Variants in DMXL1 observed in about 807,000 individuals in gnomAD.
DMXL1 encodes the protein dmX-like protein 1.
In DMXL1, 99 loss-of-function variants were observed where a neutral mutation model predicts 319.2. That is an observed-to-expected ratio of 0.31 (90% CI 0.26 to 0.37). The LOEUF is 0.37. DMXL1 is among the 10% of genes least tolerant of loss of function. The pLI, the probability that DMXL1 is intolerant of heterozygous loss-of-function variation, is 1.00. For synonymous variants in DMXL1, 1,385 were observed against 1,235.2 expected (o/e 1.12, Z -2.54); for missense variants, 3,745 against 3,595.6 (o/e 1.04, Z -1.06).
At chr5:119,171,324 CTGTTTT>C in intron 24 of DMXL1, 44 bp downstream of exon 24, 1 of 1,523,964 alleles carries the variant, frequency 6.6e-7, no homozygotes, top group Admixed American at 2.3e-5. Flanking sequence ...ATGTCTAAAA[CTGTTTT>C]TGGTGTTTCT....
intron 1 of DMXL1, chr5:119,081,553 GGTTAA>G: frequency 2.0e-6 from 2 of 985,078 alleles, no homozygotes; most frequent in Non-Finnish European, 2.4e-6. Context: ...GTTGGCTTCT[GGTTAA>G]GTTTTGTTTT....
intron 10 of DMXL1, among the ~76,000 whole-genome samples, chr5:119,132,166 C>A (rs944857114): frequency 5.3e-5 from 8 of 151,932 alleles, no homozygotes; most frequent in Middle Eastern, 3.4e-3. Flanking sequence ...GTGATATCCC[C>A]AGATCTCACT....
At chr5:119,223,127 G>A (rs565887220) in intron 37 of DMXL1, among the ~76,000 whole-genome samples, 24 of 148,486 alleles carry the variant, frequency 1.6e-4, no homozygotes, top group African/African-American at 5.7e-4. Flanking sequence ...TGCAATATTG[G>A]CTCACTGCAA....
intron 4 of DMXL1, among the ~76,000 whole-genome samples, chr5:119,107,999 C>G (rs1324454515): frequency 6.6e-6 from 1 of 152,144 alleles, no homozygotes; most frequent in Non-Finnish European, 1.5e-5. Flanking sequence ...AATTAAGCAT[C>G]TTACTTGGGA....
chr5:119,218,928 T>C (rs1209714387), intron 35 of DMXL1, among the ~76,000 whole-genome samples: 1 of 152,190 alleles, frequency 6.6e-6, no homozygotes, highest in African/African-American at 2.4e-5. Context: ...AAATTAAAAC[T>C]AACAGTTAGC....
At chr5:119,128,091 C>A in intron 9 of DMXL1, 1 of 471,936 alleles carries the variant, frequency 2.1e-6, no homozygotes, top group South Asian at 1.7e-5. Flanking sequence ...TACTATTACC[C>A]ATTGCAAGTC....
At chr5:119,239,791 A>C (rs1269212319) in intron 41 of DMXL1, among the ~76,000 whole-genome samples, 2 of 151,812 alleles carry the variant, frequency 1.3e-5, no homozygotes, top group African/African-American at 4.8e-5. Context: ...CCCTATCTCT[A>C]CTAAAAATAC....
In DMXL1 at chr5:119,167,738, G is replaced by T; in HGVS notation, c.5272G>T (p.Glu1758Ter). The T allele has an allele frequency of 6.2e-7, 1 of 1,613,660 alleles. No homozygotes were observed. Among genetic ancestry groups the T allele is most frequent in the South Asian group, 1.1e-5 (1 of 91,056 alleles). The change falls in exon 23 of 44, where the codon GAA (glutamate) becomes TAA (stop). Residue 1758 changes from glutamate to a stop codon, truncating the protein, a stop_gained. Coordinates refer to ENST00000539542, the MANE Select transcript of DMXL1 (RefSeq NM_001290321.3). LOFTEE classifies it high-confidence loss of function. ...TTTGGGAATCGATTCTCCTGTCAGTGAACTGTGTTCATTGAACATAAATAT... is the reference window on the plus strand; with the variant it reads ...TTTGGGAATCGATTCTCCTGTCAGTTAACTGTGTTCATTGAACATAAATAT... ...KVLGIDSPVS[E>*]LCSLNINMHH...
intron 41 of DMXL1, 48 bp downstream of exon 41, chr5:119,239,128 T>A (rs1788289878): frequency 3.2e-6 from 5 of 1,563,480 alleles, no homozygotes; most frequent in Non-Finnish European, 4.4e-6. Flanking sequence ...ATAGCTGAAC[T>A]TTTTTTTATT....
chr5:119,118,409 A>G (rs960945866), intron 7 of DMXL1, among the ~76,000 whole-genome samples: 1 of 152,098 alleles, frequency 6.6e-6, no homozygotes, highest in Non-Finnish European at 1.5e-5. Flanking sequence ...CAACTGAGAG[A>G]TTGTGGCTTA....
intron 9 of DMXL1, among the ~76,000 whole-genome samples, chr5:119,126,336 G>A (rs1156874911): frequency 6.6e-6 from 1 of 152,116 alleles, no homozygotes; most frequent in Non-Finnish European, 1.5e-5. Context: ...GTGCTGCATT[G>A]AATGGAACGT....
chr5:119,078,613 C>T (rs1019572463), intron 1 of DMXL1, among the ~76,000 whole-genome samples: 1 of 152,076 alleles, frequency 6.6e-6, no homozygotes, highest in Non-Finnish European at 1.5e-5. Context: ...ACACCATGCC[C>T]AGCTAATTTT....
In DMXL1 at chr5:119,169,942, A is replaced by G. The variant is rs555413748; in HGVS notation, c.5399-248A>G. ...ATAACTGGACGTTTTAAATTATCCT[A>G]GAATATTACCTGAAGAGACTTGTTT... On this transcript the variant is annotated intron_variant, in intron 23 of 43. Transcript: ENST00000539542. Among the ~76,000 whole-genome samples the G allele has an allele frequency of 5.9e-5, 9 of 152,358 alleles. No homozygotes were observed. In the South Asian group the frequency reaches 1.9e-3, roughly 32 times the overall value.
chr5:119,176,729 G>T (rs1775872791), intron 26 of DMXL1, among the ~76,000 whole-genome samples: 1 of 151,922 alleles, frequency 6.6e-6, no homozygotes, highest in Non-Finnish European at 1.5e-5. Flanking sequence ...ACCATTTTCT[G>T]TCAGAATTAT....
chr5:119,100,341 C>A (rs1756966547), intron 2 of DMXL1, among the ~76,000 whole-genome samples: 1 of 151,122 alleles, frequency 6.6e-6, no homozygotes, highest in South Asian at 2.1e-4. Flanking sequence ...GAGGCTGAGG[C>A]AGGAGAATCG....
At chr5:119,211,481 G>C (rs950940379) in intron 34 of DMXL1, among the ~76,000 whole-genome samples, 1 of 152,080 alleles carries the variant, frequency 6.6e-6, no homozygotes, top group Non-Finnish European at 1.5e-5. Flanking sequence ...CATTTATGTT[G>C]TCAAACTTAC....
At chr5:119,079,925 G>T (rs1273768660) in intron 1 of DMXL1, among the ~76,000 whole-genome samples, 1 of 152,156 alleles carries the variant, frequency 6.6e-6, no homozygotes, top group Non-Finnish European at 1.5e-5. Flanking sequence ...AGGCCTACCA[G>T]GCCTTGGTCC....
At chr5:119,166,460 TATA>T (rs1773465081) in intron 21 of DMXL1, among the ~76,000 whole-genome samples, 153 bp from the exon 22 acceptor site, 1 of 152,260 alleles carries the variant, frequency 6.6e-6, no homozygotes, top group Non-Finnish European at 1.5e-5. Context: ...GTTTACCTAA[TATA>T]ATTTTTACTG....
chr5:119,090,309 CTG>C (rs1451114901), intron 1 of DMXL1, among the ~76,000 whole-genome samples: 1 of 151,928 alleles, frequency 6.6e-6, no homozygotes, highest in Non-Finnish European at 1.5e-5. Flanking sequence ...GTGTGAGCCA[CTG>C]TGCCCGGCCA....
Sources: allele counts gnomAD v4.1 joint callset (sites outside exome capture counted in the v4.1 genomes callset), GRCh38; gene constraint gnomAD v4.1.1; transcripts MANE v1.5; gene names NCBI Gene and HGNC (gene_info 2026-07-23, HGNC 2026-07-21).